Variants in FRMPD1 observed in about 807,000 individuals in gnomAD.
FRMPD1 encodes FERM and PDZ domain containing 1.
In FRMPD1, 76 loss-of-function variants were observed where a neutral mutation model predicts 117.8. That is an observed-to-expected ratio of 0.65 (90% CI 0.54 to 0.78). The LOEUF is 0.78. FRMPD1 is among the 30% of genes least tolerant of loss of function. The pLI is 0.00. For missense variants in FRMPD1, 1,786 were observed against 1,964.5 expected (o/e 0.91, Z 1.72); for synonymous variants, 783 against 770.4 (o/e 1.02, Z -0.27).
chr9:37,630,375 C>T, the FRMPD1 span, among the ~76,000 whole-genome samples: 18 of 151,506 alleles, frequency 1.2e-4, no homozygotes, highest in South Asian at 3.3e-3. Context: ...TTCTTTTTTG[C>T]TTATTTATTT....
chr9:37,619,676 T>C, the FRMPD1 span, among the ~76,000 whole-genome samples: 1 of 151,662 alleles, frequency 6.6e-6, no homozygotes, highest in African/African-American at 2.4e-5. Flanking sequence ...GAGAATCAGT[T>C]GAACCCAGGA....
At chr9:37,660,711 C>T (rs1410970720) in intron 1 of FRMPD1, among the ~76,000 whole-genome samples, 2 of 152,172 alleles carry the variant, frequency 1.3e-5, no homozygotes, top group East Asian at 1.9e-4. Context: ...GGAGCCTTCC[C>T]TCCTGCACTT....
chr9:37,667,639 G>A (rs1163211526), intron 1 of FRMPD1, among the ~76,000 whole-genome samples: 4 of 150,586 alleles, frequency 2.7e-5, no homozygotes, highest in Admixed American at 2.0e-4. Flanking sequence ...AGACGAGATC[G>A]TGCCACTGCA....
At chr9:37,650,863 C>A (rs1029522097), upstream of FRMPD1, 5 of 148,008 alleles carry the variant, frequency 3.4e-5, no homozygotes, top group African/African-American at 1.2e-4. Flanking sequence ...AGCTGGCGGC[C>A]GCGCAGCTGC....
At chr9:37,615,045 G>A in the FRMPD1 span, among the ~76,000 whole-genome samples, 3 of 152,120 alleles carry the variant, frequency 2.0e-5, no homozygotes, top group Non-Finnish European at 4.4e-5. Context: ...CTTAACCAGA[G>A]CCCCTTTGCC....
chr9:37,704,067 T>C (rs1822618535), intron 2 of FRMPD1, among the ~76,000 whole-genome samples: 1 of 152,226 alleles, frequency 6.6e-6, no homozygotes, highest in African/African-American at 2.4e-5. Flanking sequence ...TTTAGTCTTT[T>C]AAGAAACTTC....
intron 2 of FRMPD1, among the ~76,000 whole-genome samples, chr9:37,705,869 C>G (rs1274360595): frequency 6.6e-6 from 1 of 151,614 alleles, no homozygotes; most frequent in Non-Finnish European, 1.5e-5. Flanking sequence ...CCCAGCTACT[C>G]AAGAGGCTGA....
chr9:37,685,473 C>T (rs999950366), intron 1 of FRMPD1, among the ~76,000 whole-genome samples: 2 of 151,486 alleles, frequency 1.3e-5, no homozygotes, highest in Non-Finnish European at 2.9e-5. Flanking sequence ...GAAACCCTGT[C>T]TCTACTAAAA....
chr9:37,697,699 A>G (rs1170574528), intron 2 of FRMPD1, among the ~76,000 whole-genome samples: 1 of 152,284 alleles, frequency 6.6e-6, no homozygotes, highest in Non-Finnish European at 1.5e-5. Flanking sequence ...ACATTACATC[A>G]TAAACTAATT....
chr9:37,667,492 G>C (rs1821199773), intron 1 of FRMPD1, among the ~76,000 whole-genome samples: 1 of 146,602 alleles, frequency 6.8e-6, no homozygotes, highest in South Asian at 2.2e-4. Flanking sequence ...GACCAACATG[G>C]TGAGACCCCA....
chr9:37,645,103 A>G, the FRMPD1 span, among the ~76,000 whole-genome samples: 5 of 151,234 alleles, frequency 3.3e-5, no homozygotes, highest in East Asian at 9.7e-4. Flanking sequence ...GCCAGCAGAA[A>G]AAAAAAAAAA....
At chr9:37,713,504 C>T (rs1822987138) in intron 5 of FRMPD1, among the ~76,000 whole-genome samples, 2 of 151,958 alleles carry the variant, frequency 1.3e-5, no homozygotes, top group Non-Finnish European at 2.9e-5. Flanking sequence ...GTGAGAGAAT[C>T]GCTTGAGCCC....
At chr9:37,692,993 C>T in intron 2 of FRMPD1, 1 of 546,426 alleles carries the variant, frequency 1.8e-6, no homozygotes, top group South Asian at 2.1e-5. Context: ...TTTACAAACA[C>T]ACTGACACAC....
At chr9:37,725,902 T>C (rs1407773571) in intron 7 of FRMPD1, among the ~76,000 whole-genome samples, 1 of 152,254 alleles carries the variant, frequency 6.6e-6, no homozygotes, top group Non-Finnish European at 1.5e-5. Context: ...AGGGAAGCTT[T>C]GCAAATGGAT....
rs1235134633 is a variant in FRMPD1, at chr9:37,650,958, G to GGAGCCCGAGCC, written c.-130_-120dup. 8 of 151,250 alleles carry GGAGCCCGAGCC rather than the reference G, an allele frequency of 5.3e-5. No individual in the cohort carries two copies. The highest frequency in any genetic ancestry group is 2.1e-4 in the South Asian group (1 of 4,820). The allele number at this position is 151,250 out of a possible 1,614,324, so 9.4% of individuals were successfully genotyped here. A position where few individuals can be genotyped will look rare whatever the true frequency, so the allele number is the denominator to read the frequency against. ...CGGCTGCAGCCTCGGCGCGGGAGGC[G>GGAGCCCGAGCC]GAGCCCGAGCCGAGCCCGAGCAGCG... On this transcript the variant is annotated 5_prime_UTR_variant, in exon 1 of 16. Transcript: ENST00000377765.
chr9:37,723,055 C>T (rs974836923), intron 6 of FRMPD1, among the ~76,000 whole-genome samples: 2 of 152,154 alleles, frequency 1.3e-5, no homozygotes, highest in African/African-American at 4.8e-5. Context: ...GGACCTCATG[C>T]ATCTAGGGTG....
intron 1 of FRMPD1, among the ~76,000 whole-genome samples, chr9:37,660,122 GT>G (rs1820958684): frequency 6.6e-6 from 1 of 152,018 alleles, no homozygotes; most frequent in Admixed American, 6.5e-5. Flanking sequence ...TCATTTCAAT[GT>G]GCTTTGCTAA....
At position 37,677,159 on chromosome 9, in the gene FRMPD1, G is replaced by A. The variant is rs189137270; in HGVS notation, c.-4-15479G>A. On this transcript the variant is annotated intron_variant, in intron 1 of 15. Coordinates refer to ENST00000377765, the MANE Select transcript of FRMPD1 (RefSeq NM_014907.3). ...AGCAACAAGTCTATGAAAAGGGTGA[G>A]GACTTTCAGGGAAGGAACCTCAAAG... 6.6e-5 allele frequency among the ~76,000 whole-genome samples: 10 copies of A among 152,274 alleles called. No homozygotes were observed. In the East Asian group the frequency reaches 1.7e-3, roughly 26 times the overall value.
chr9:37,604,708 C>T, the FRMPD1 span, among the ~76,000 whole-genome samples: 1 of 152,102 alleles, frequency 6.6e-6, no homozygotes, highest in Non-Finnish European at 1.5e-5. Context: ...CAAATGTTAG[C>T]GTGAAGATGT....
Sources: gnomAD v4.1 joint callset for allele counts (sites outside exome capture counted in the v4.1 genomes callset) on GRCh38, gnomAD v4.1.1 for gene constraint, MANE v1.5 for transcripts, NCBI Gene and HGNC (gene_info 2026-07-23, HGNC 2026-07-21) for gene names.